The following DYM variants were observed in gnomAD, a reference collection of about 807,000 sequenced individuals.
DYM encodes the protein dymeclin.
In DYM, 78 loss-of-function variants were observed where a neutral mutation model predicts 93.1. That is an observed-to-expected ratio of 0.84 (90% CI 0.70 to 1.01). The LOEUF is 1.01. Among genes scored for constraint, DYM ranks in the 50% least tolerant of loss-of-function variants. The probability of loss-of-function intolerance (pLI) is 0.00; values close to 1 mark genes in which losing one functional copy is unlikely to be tolerated. For synonymous variants in DYM, 321 were observed against 319.7 expected, an observed-to-expected ratio of 1.00 and a Z score of -0.04; for missense variants, 789 against 845.0, an observed-to-expected ratio of 0.93 and a Z score of 0.82.
intron 8 of DYM, among the ~76,000 whole-genome samples, chr18:49,299,344 A>G (rs997787951): frequency 4.6e-5 from 7 of 152,222 alleles, no homozygotes; most frequent in Admixed American, 3.3e-4. Context: ...TTGTACTCAT[A>G]TAAGACAAAA....
intron 17 of DYM, among the ~76,000 whole-genome samples, chr18:49,083,127 C>G (rs558998794): frequency 6.6e-6 from 1 of 152,084 alleles, no homozygotes; most frequent in Non-Finnish European, 1.5e-5. Context: ...CTGCTACTGT[C>G]GTGTGAAAGG....
intron 5 of DYM, among the ~76,000 whole-genome samples, chr18:49,378,025 G>A (rs946552130): frequency 2.0e-4 from 30 of 152,268 alleles, no homozygotes; most frequent in Admixed American, 1.1e-3. Flanking sequence ...TTGTGTGAAG[G>A]GTAATCTTTC....
At chr18:49,344,286 G>A (rs368643118) in intron 6 of DYM, among the ~76,000 whole-genome samples, 6 of 152,100 alleles carry the variant, frequency 3.9e-5, no homozygotes, top group South Asian at 2.1e-4. Context: ...TCGTTACCAC[G>A]TTCCCTCACA....
At chr18:49,235,445 T>C (rs995649346) in intron 13 of DYM, among the ~76,000 whole-genome samples, 1 of 123,300 alleles carries the variant, frequency 8.1e-6, no homozygotes, top group East Asian at 2.1e-4. Flanking sequence ...TGAAATACTA[T>C]TCAAGTTGTG....
intron 15 of DYM, among the ~76,000 whole-genome samples, chr18:49,119,955 T>C (rs1352971202): frequency 6.6e-6 from 1 of 151,348 alleles, no homozygotes; most frequent in Non-Finnish European, 1.5e-5. Context: ...GGCACACATC[T>C]GTAGCCTCAG....
intron 11 of DYM, among the ~76,000 whole-genome samples, chr18:49,269,192 T>A (rs562718728): frequency 6.6e-6 from 1 of 152,026 alleles, no homozygotes; most frequent in Non-Finnish European, 1.5e-5. Context: ...AACAAGTATA[T>A]GAAAATGTGC....
At position 49,067,776 on chromosome 18, in the gene DYM, T is replaced by A. The variant is rs577655596; in HGVS notation, c.2026-23572A>T. 3.3e-5 allele frequency among the ~76,000 whole-genome samples: 5 copies of A among 152,144 alleles called. No individual in the cohort carries two copies. The South Asian group carries it at 1.0e-3, about 32-fold the overall frequency. ...AGTATGCCAGTTAAAAATATTAAAT[T>A]TAGTCACAAATGTGCATGAAAGTAG... On this transcript the variant is annotated intron_variant, in intron 17 of 17. Coordinates refer to ENST00000675505, the MANE Select transcript of DYM (RefSeq NM_001353214.3).
Position 49,188,369 on chromosome 18 carries a change from G to A in DYM, c.1625+21182C>T, listed in dbSNP as rs528263577. On this transcript the variant is annotated intron_variant, in intron 14 of 17. Transcript: ENST00000675505. ...AGCTAGACAATGTAGCACAGAAGGA[G>A]CATATTCTTAATATACCTTGTCAGG... Among the ~76,000 whole-genome samples the A allele has an allele frequency of 1.6e-3, 239 of 152,292 alleles. 1 individual carries two copies. Among genetic ancestry groups the A allele is most frequent in the African/African-American group, 5.2e-3 (218 of 41,566 alleles).
intron 2 of DYM, among the ~76,000 whole-genome samples, chr18:49,415,536 G>A (rs1478998430): frequency 6.6e-6 from 1 of 151,572 alleles, no homozygotes; most frequent in Non-Finnish European, 1.5e-5. Flanking sequence ...TGTGCCAAGA[G>A]CTGCCCTTTT....
intron 8 of DYM, among the ~76,000 whole-genome samples, chr18:49,288,821 A>C (rs2059832108): frequency 6.6e-6 from 1 of 152,060 alleles, no homozygotes; most frequent in African/African-American, 2.4e-5. Context: ...AAAAAGTCAA[A>C]TGTCTCTAAG....
At chr18:49,318,021 T>C (rs150587334) in intron 8 of DYM, among the ~76,000 whole-genome samples, 16 of 152,234 alleles carry the variant, frequency 1.1e-4, no homozygotes, top group Non-Finnish European at 1.6e-4. Context: ...TGATTCTACA[T>C]AGACCCTACC....
At chr18:49,163,398 T>C (rs182644499) in intron 15 of DYM, among the ~76,000 whole-genome samples, 17 of 152,322 alleles carry the variant, frequency 1.1e-4, no homozygotes, top group Admixed American at 1.1e-3. Flanking sequence ...CAGGCTACAG[T>C]GCAGGGGCAT....
chr18:49,304,303 G>A (rs1020150113), intron 8 of DYM, among the ~76,000 whole-genome samples: 1 of 152,154 alleles, frequency 6.6e-6, no homozygotes, highest in Admixed American at 6.5e-5. Context: ...CTGGCCAGGA[G>A]GCCAACAGCC....
At chr18:49,354,516 G>A (rs980344375) in intron 6 of DYM, among the ~76,000 whole-genome samples, 9 of 152,012 alleles carry the variant, frequency 5.9e-5, no homozygotes, top group African/African-American at 2.2e-4. Context: ...CACAGGCTGG[G>A]AGAAAACACT....
intron 3 of DYM, among the ~76,000 whole-genome samples, chr18:49,384,769 T>C (rs1232487273): frequency 6.0e-5 from 9 of 151,222 alleles, no homozygotes; most frequent in Non-Finnish European, 1.0e-4. Context: ...GTAGAAAACA[T>C]TGAAATCAAT....
chr18:49,337,540 G>T (rs1175127675), intron 6 of DYM, among the ~76,000 whole-genome samples: 1 of 152,190 alleles, frequency 6.6e-6, no homozygotes, highest in Non-Finnish European at 1.5e-5. Flanking sequence ...GCTGCTACTG[G>T]TTTTCTCTGT....
intron 17 of DYM, among the ~76,000 whole-genome samples, chr18:49,060,743 A>AGGAGGGAGAGAGAGAGAGAGAGGG (rs2075913452): frequency 2.1e-5 from 1 of 47,440 alleles, no homozygotes; most frequent in Admixed American, 2.6e-4. Flanking sequence ...GAGAGGGAGA[A>AGGAGGGAGAGAGAGAGAGAGAGGG]GGAGGGAGAG....
At chr18:49,313,193 T>C (rs1333524619) in intron 8 of DYM, among the ~76,000 whole-genome samples, 5 of 151,998 alleles carry the variant, frequency 3.3e-5, no homozygotes, top group East Asian at 3.9e-4. Flanking sequence ...AGGCCGGGCA[T>C]GGTGGCTCAT....
intron 5 of DYM, among the ~76,000 whole-genome samples, chr18:49,364,555 T>C (rs184661544): frequency 5.9e-4 from 90 of 152,290 alleles, no homozygotes; most frequent in African/African-American, 2.2e-3. Context: ...AAACTCCAGA[T>C]TGCAATCAGA....
Sources: allele counts gnomAD v4.1 joint callset (sites outside exome capture counted in the v4.1 genomes callset), GRCh38; gene constraint gnomAD v4.1.1; transcripts MANE v1.5; gene names NCBI Gene and HGNC (gene_info 2026-07-23, HGNC 2026-07-21).